Variants in DSE observed in about 807,000 individuals in gnomAD.
DSE encodes dermatan sulfate epimerase, also known as dermatan-sulfate epimerase.
DSE carries 36 observed loss-of-function variants against 84.4 expected under a neutral mutation model. That is an observed-to-expected ratio of 0.43 (90% CI 0.33 to 0.56). The LOEUF (loss-of-function observed/expected upper bound fraction) is 0.56, where lower values mean the gene tolerates loss of function less well. Ranked by LOEUF, DSE falls within the 20% of genes least tolerant of loss-of-function variation. DSE has a pLI of 0.06. For missense variants in DSE, 862 were observed against 1,169.6 expected (o/e 0.74, Z 3.84); for synonymous variants, 410 against 430.1 (o/e 0.95, Z 0.58).
chr6:116,331,023 T>C (rs1776903152), intron 2 of DSE, among the ~76,000 whole-genome samples: 1 of 152,214 alleles, frequency 6.6e-6, no homozygotes, highest in Non-Finnish European at 1.5e-5. Context: ...GAAAAAATTA[T>C]ATGATAATTG....
At chr6:116,313,732 T>A (rs1028140543) in intron 2 of DSE, among the ~76,000 whole-genome samples, 4 of 152,220 alleles carry the variant, frequency 2.6e-5, no homozygotes, top group African/African-American at 9.7e-5. Flanking sequence ...CTATGTATGT[T>A]TAATCACATG....
At chr6:116,309,432 A>G (rs1441377154) in intron 2 of DSE, among the ~76,000 whole-genome samples, 3 of 152,206 alleles carry the variant, frequency 2.0e-5, no homozygotes, top group Non-Finnish European at 4.4e-5. Flanking sequence ...TTTAACTATG[A>G]TGGTATTAAC....
intron 2 of DSE, chr6:116,280,086 G>A: frequency 3.5e-6 from 2 of 576,750 alleles, no homozygotes; most frequent in South Asian, 2.0e-5. Flanking sequence ...TTTTACCTAC[G>A]TAAATAAATG....
chr6:116,286,758 T>C (rs1358276353), intron 2 of DSE, among the ~76,000 whole-genome samples: 3 of 152,194 alleles, frequency 2.0e-5, no homozygotes, highest in Non-Finnish European at 4.4e-5. Context: ...GAGACTGATA[T>C]GGGTATGTTT....
At chr6:116,336,475 G>A (rs1207498095) in intron 2 of DSE, among the ~76,000 whole-genome samples, 1 of 152,174 alleles carries the variant, frequency 6.6e-6, no homozygotes, top group African/African-American at 2.4e-5. Context: ...AAAAAAGTAG[G>A]CCGGGCGCAG....
At chr6:116,428,292 T>C (rs2115069548) in intron 3 of DSE, among the ~76,000 whole-genome samples, 1 of 152,228 alleles carries the variant, frequency 6.6e-6, no homozygotes, top group East Asian at 1.9e-4. Context: ...CCCAGGCCTG[T>C]GAAAAGACAC....
intron 1 of DSE, among the ~76,000 whole-genome samples, chr6:116,397,633 T>C (rs1000243923): frequency 3.3e-5 from 5 of 152,214 alleles, no homozygotes; most frequent in Admixed American, 2.0e-4. Context: ...CAGAAGACTA[T>C]TTCTTTTGGC....
At chr6:116,348,443 A>T (rs1021160952) in intron 2 of DSE, among the ~76,000 whole-genome samples, 3 of 151,804 alleles carry the variant, frequency 2.0e-5, no homozygotes, top group Non-Finnish European at 4.4e-5. Context: ...AACAAAAAAA[A>T]ACAAAAAAAA....
At chr6:116,394,158 T>G (rs1238774670) in intron 1 of DSE, among the ~76,000 whole-genome samples, 1 of 152,222 alleles carries the variant, frequency 6.6e-6, no homozygotes, top group African/African-American at 2.4e-5. Flanking sequence ...ATTAAGTTAT[T>G]GAAGAGTAAA....
chr6:116,345,882 A>G (rs996888488), intron 2 of DSE, among the ~76,000 whole-genome samples: 2 of 152,214 alleles, frequency 1.3e-5, no homozygotes, highest in African/African-American at 4.8e-5. Context: ...CAAGACTAAT[A>G]AAGAAGAAAA....
chr6:116,308,683 T>C (rs994787471), intron 2 of DSE, among the ~76,000 whole-genome samples: 2 of 152,154 alleles, frequency 1.3e-5, no homozygotes. Context: ...TTTTGTTTTT[T>C]GGGGTTTTTT....
intron 2 of DSE, among the ~76,000 whole-genome samples, chr6:116,338,461 C>T (rs1448956840): frequency 3.3e-5 from 5 of 151,782 alleles, no homozygotes; most frequent in African/African-American, 9.7e-5. Context: ...TGACATCAGG[C>T]GATCCACCCG....
At chr6:116,308,032 T>C (rs1407683878) in intron 2 of DSE, among the ~76,000 whole-genome samples, 10 of 152,244 alleles carry the variant, frequency 6.6e-5, no homozygotes, top group African/African-American at 2.4e-4. Context: ...TGACAATTTA[T>C]GGTAACTGCA....
chr6:116,436,260 G>C lies in DSE; in HGVS notation c.1792G>C (p.Val598Leu). ...HNVDVPFEET[V>L]VDGVHGAFIR... Reference sequence around the variant, plus strand: ...TGTGGATGTTCCTTTTGAGGAGACTGTGGTAGATGGTGTCCATGGGGCTTT... The same window carrying C: ...TGTGGATGTTCCTTTTGAGGAGACTCTGGTAGATGGTGTCCATGGGGCTTT... The change falls in exon 6 of 6, where the codon GTG becomes CTG. Residue 598 changes from valine to leucine, a missense_variant. Val to Leu is a conservative substitution (Grantham distance 32). Transcript: ENST00000644252. The C allele has an allele frequency of 1.2e-6, 2 of 1,614,156 alleles. No individual in the cohort carries two copies. The highest frequency in any genetic ancestry group is 1.7e-6 in the Non-Finnish European group (2 of 1,180,020).
chr6:116,257,845 G>A (rs954117404), intron 1 of DSE, among the ~76,000 whole-genome samples: 2 of 151,986 alleles, frequency 1.3e-5, no homozygotes, highest in African/African-American at 4.8e-5. Flanking sequence ...TTGGGGATTA[G>A]GTTTCAATAT....
rs528651328 is a variant in DSE, at chr6:116,333,217, A to T, written c.-53-65981A>T. On this transcript the variant is annotated intron_variant, in intron 2 of 3. Transcript: ENST00000430252. ...CTTGTCTTAGTCCATTTTCTGCTGC[A>T]TAACAGAGTACCATAGACTTGGTGA... is the stretch of plus-strand genomic sequence containing the variant. 7.9e-5 allele frequency among the ~76,000 whole-genome samples: 12 copies of T among 152,350 alleles called. 1 individual carries two copies. The South Asian group carries it at 1.2e-3, about 16-fold the overall frequency.
At chr6:116,433,955 A>G (rs564604191) in intron 5 of DSE, among the ~76,000 whole-genome samples, 22 of 152,204 alleles carry the variant, frequency 1.4e-4, no homozygotes, top group Non-Finnish European at 2.4e-4. Flanking sequence ...TTGAAAGCAT[A>G]TAAAACAAAA....
exon 2 of DSE, chr6:116,258,605 C>A: frequency 6.2e-7 from 1 of 1,612,280 alleles, no homozygotes; most frequent in Non-Finnish European, 8.5e-7. Flanking sequence ...GCCAGGCACT[C>A]AGCAATGGTC....
At chr6:116,353,695 T>C (rs1339497528) in intron 2 of DSE, among the ~76,000 whole-genome samples, 1 of 152,176 alleles carries the variant, frequency 6.6e-6, no homozygotes. Flanking sequence ...GCACAGCTGT[T>C]ACTTGATCAT....
Sources: allele counts gnomAD v4.1 joint callset (sites outside exome capture counted in the v4.1 genomes callset), GRCh38; gene constraint gnomAD v4.1.1; transcripts MANE v1.5; gene names NCBI Gene and HGNC (gene_info 2026-07-23, HGNC 2026-07-21).